DACH1: variants seen among roughly 807,000 people sequenced by gnomAD.
The protein encoded by DACH1 is dachshund family transcription factor 1.
DACH1 carries 12 observed loss-of-function variants against 54.2 expected under a neutral mutation model. The ratio of observed to expected loss-of-function variants is 0.22; its 90% CI spans 0.14 to 0.36. The LOEUF is 0.36. Among genes scored for constraint, DACH1 ranks in the 10% least tolerant of loss-of-function variants. The pLI is 1.00. For synonymous variants in DACH1, 386 were observed against 366.2 expected (o/e 1.05, Z -0.62); for missense variants, 805 against 929.8 (o/e 0.87, Z 1.75).
At position 71,550,115 on chromosome 13, in the gene DACH1, T is replaced by C. The variant is rs1021557318; in HGVS notation, c.1570+6909A>G. On this transcript the variant is annotated intron_variant, in intron 6 of 10. Coordinates refer to ENST00000613252, the MANE Select transcript of DACH1 (RefSeq NM_080759.6). Reference sequence around the variant, plus strand: ...GGTCAAATGTAAATCATGATAACTGTGGTATTATGAATTGTAAATAGATAA... The same window carrying C: ...GGTCAAATGTAAATCATGATAACTGCGGTATTATGAATTGTAAATAGATAA... Among the ~76,000 whole-genome samples, 8 of 152,156 alleles carry C rather than the reference T, an allele frequency of 5.3e-5. No homozygotes were observed. In the East Asian group the frequency reaches 1.3e-3, roughly 26 times the overall value.
intron 1 of DACH1, among the ~76,000 whole-genome samples, chr13:71,837,132 A>G (rs1441045339): frequency 2.0e-5 from 3 of 152,090 alleles, no homozygotes; most frequent in Non-Finnish European, 2.9e-5. Context: ...TTTTAAGGTA[A>G]TATTTACCTT....
At chr13:71,637,588 A>C (rs1877578143) in intron 2 of DACH1, among the ~76,000 whole-genome samples, 2 of 152,198 alleles carry the variant, frequency 1.3e-5, no homozygotes, top group African/African-American at 4.8e-5. Context: ...TCACTAGTTT[A>C]AATTCTATAT....
At chr13:71,458,198 A>G (rs1209973038) in intron 10 of DACH1, among the ~76,000 whole-genome samples, 1 of 151,946 alleles carries the variant, frequency 6.6e-6, no homozygotes, top group Admixed American at 6.6e-5. Context: ...CAGAATTTAA[A>G]AAAAACAGCA....
chr13:71,538,437 C>T (rs540058620), intron 6 of DACH1, among the ~76,000 whole-genome samples: 2 of 151,228 alleles, frequency 1.3e-5, no homozygotes, highest in East Asian at 1.9e-4. Context: ...GAGAAGCAAG[C>T]GTGGCAAAAG....
intron 2 of DACH1, among the ~76,000 whole-genome samples, chr13:71,653,361 A>G (rs1411966957): frequency 6.6e-6 from 1 of 152,174 alleles, no homozygotes; most frequent in African/African-American, 2.4e-5. Context: ...GAACAACAAA[A>G]CAATCTAAGC....
At position 71,706,593 on chromosome 13, in the gene DACH1, G is replaced by A. The variant is rs562309632; in HGVS notation, c.849-24683C>T. Among the ~76,000 whole-genome samples, 5 of 151,984 alleles carry A rather than the reference G, an allele frequency of 3.3e-5. No individual in the cohort carries two copies. The East Asian group carries it at 7.7e-4, about 23-fold the overall frequency. On this transcript the variant is annotated intron_variant, in intron 1 of 10. Transcript: ENST00000613252. ...ACAAAAATAAAATTGATTTCTTCAC[G>A]AATATGAACTATCATGTTTTCTTGA...
intron 1 of DACH1, among the ~76,000 whole-genome samples, chr13:71,695,881 A>G (rs1881805449): frequency 1.3e-5 from 2 of 152,200 alleles, no homozygotes; most frequent in African/African-American, 2.4e-5. Context: ...GTAAAAGGCA[A>G]AGCAAATATT....
chr13:71,496,724 G>T (rs1267242096), intron 6 of DACH1, among the ~76,000 whole-genome samples: 1 of 151,962 alleles, frequency 6.6e-6, no homozygotes, highest in East Asian at 1.9e-4. Context: ...AAAAAAAGGA[G>T]AAAAAATTAT....
At chr13:71,491,518 T>C (rs1293215148) in intron 6 of DACH1, among the ~76,000 whole-genome samples, 1 of 152,174 alleles carries the variant, frequency 6.6e-6, no homozygotes, top group African/African-American at 2.4e-5. Context: ...TTGGATTCCT[T>C]CATTTATCAT....
At chr13:71,543,232 G>A (rs1380170658) in intron 6 of DACH1, among the ~76,000 whole-genome samples, 1 of 152,092 alleles carries the variant, frequency 6.6e-6, no homozygotes, top group Non-Finnish European at 1.5e-5. Flanking sequence ...AAAGGAAAAT[G>A]TAATTGCATC....
intron 7 of DACH1, among the ~76,000 whole-genome samples, chr13:71,488,326 A>C (rs935172680): frequency 2.6e-5 from 4 of 152,122 alleles, no homozygotes; most frequent in African/African-American, 9.7e-5. Context: ...GGGCAAGAAA[A>C]TTATGCTTTC....
intron 3 of DACH1, 89 bp from the exon 4 acceptor site, chr13:71,573,101 T>G: frequency 1.5e-6 from 2 of 1,305,810 alleles, no homozygotes; most frequent in Admixed American, 4.9e-5. Flanking sequence ...ATAATGGTAG[T>G]CAAAGAAACA....
intron 1 of DACH1, among the ~76,000 whole-genome samples, chr13:71,799,459 G>C (rs1481777180): frequency 6.6e-6 from 1 of 152,038 alleles, no homozygotes; most frequent in Non-Finnish European, 1.5e-5. Flanking sequence ...GTAATTGGCT[G>C]GTGCTGTACA....
intron 1 of DACH1, among the ~76,000 whole-genome samples, chr13:71,777,988 G>A (rs1309496658): frequency 6.6e-6 from 1 of 151,684 alleles, no homozygotes. Context: ...GTAAGGGGTT[G>A]TGCCTAGAGT....
intron 1 of DACH1, among the ~76,000 whole-genome samples, chr13:71,819,183 G>A (rs1266566778): frequency 6.6e-6 from 1 of 152,220 alleles, no homozygotes; most frequent in Admixed American, 6.5e-5. Flanking sequence ...TATTTTGGAA[G>A]AGGGATGAAG....
intron 2 of DACH1, among the ~76,000 whole-genome samples, chr13:71,646,198 A>C (rs566813480): frequency 3.3e-4 from 50 of 151,978 alleles, no homozygotes; most frequent in Middle Eastern, 6.8e-3. Flanking sequence ...TTAGCCAGGC[A>C]TGGTGGCGGG....
intron 1 of DACH1, among the ~76,000 whole-genome samples, chr13:71,779,220 TATATACGTATATATACAC>T (rs1886241546): frequency 2.0e-5 from 2 of 102,546 alleles, no homozygotes; most frequent in South Asian, 3.1e-4. Context: ...TATATATACG[TATATACGTATATATACAC>T]ATATATACGT....
intron 2 of DACH1, among the ~76,000 whole-genome samples, chr13:71,679,941 CAA>C (rs71123298): frequency 3.3e-4 from 23 of 70,212 alleles, no homozygotes; most frequent in African/African-American, 1.1e-3. Flanking sequence ...GACTCCGTCT[CAA>C]AAAAAAAAAA....
At chr13:71,565,755 CT>C (rs1416340374) in intron 4 of DACH1, among the ~76,000 whole-genome samples, 1 of 152,162 alleles carries the variant, frequency 6.6e-6, no homozygotes, top group Non-Finnish European at 1.5e-5. Flanking sequence ...CGTGAAACAA[CT>C]TAATATAATC....
Sources: gnomAD v4.1 joint callset for allele counts (sites outside exome capture counted in the v4.1 genomes callset) on GRCh38, gnomAD v4.1.1 for gene constraint, MANE v1.5 for transcripts, NCBI Gene and HGNC (gene_info 2026-07-23, HGNC 2026-07-21) for gene names.